MADCAM1: variants seen among roughly 807,000 people sequenced by gnomAD.
The protein encoded by MADCAM1 is mucosal vascular addressin cell adhesion molecule 1, also known as mucosal addressin cell adhesion molecule 1.
A neutral mutation model predicts 26.1 loss-of-function variants in MADCAM1; 19 were observed. The ratio of observed to expected loss-of-function variants is 0.73; its 90% confidence interval spans 0.51 to 1.07. MADCAM1 has a LOEUF of 1.07. MADCAM1 is among the 50% of genes least tolerant of loss of function. The probability of loss-of-function intolerance (pLI) is 0.00; values close to 1 mark genes in which losing one functional copy is unlikely to be tolerated. For missense variants in MADCAM1, 514 were observed against 542.1 expected (o/e 0.95, Z 0.51); for synonymous variants, 268 against 260.9 (o/e 1.03, Z -0.26).
rs775251362 is a variant in MADCAM1, at chr19:501,891, A to C, written c.890A>C (p.Gln297Pro). 6.6e-5 allele frequency: 94 copies of C among 1,430,474 alleles called. No individual in the cohort carries two copies. The South Asian group carries it at 1.1e-3, about 17-fold the overall frequency. 88.6% of individuals were successfully genotyped at this position (1,430,474 alleles called of 1,614,324 possible). ...STRTRRPEIS[Q>P]AGPTQGEVIP... The stretch of plus-strand genomic sequence containing the variant: ...AGGACTCGCCGCCCTGAGATCTCCC[A>C]GGCTGGGCCCACGCAGGGAGAAGTG... The change falls in exon 4 of 5, where the codon CAG (glutamine) becomes CCG (proline). Residue 297 changes from glutamine (Q) to proline (P), a missense_variant. This residue lies in a region of MADCAM1 where 152 missense variants were observed against 136.7 expected (regional missense o/e 1.11). Coordinates refer to ENST00000215637, the MANE Select transcript of MADCAM1 (RefSeq NM_130760.3).
In MADCAM1 at chr19:496,526, G is replaced by A; in HGVS notation, c.27G>A (p.Leu9=). 1 of 1,308,536 alleles carries A rather than the reference G, an allele frequency of 7.6e-7. No homozygotes were observed. Among genetic ancestry groups the A allele is most frequent in the African/African-American group, 1.5e-5 (1 of 65,152 alleles). The allele number at this position is 1,308,536 out of a possible 1,614,324, so 81.1% of individuals were successfully genotyped here. ...TGGATTTCGGACTGGCCCTCCTGCTGGCGGGGCTTCTGGGGCTCCTCCTCG... is the reference window on the plus strand; with the variant it reads ...TGGATTTCGGACTGGCCCTCCTGCTAGCGGGGCTTCTGGGGCTCCTCCTCG... MDFGLALL[L]AGLLGLLLGQ... The change falls in exon 1 of 5, where the codon CTG becomes CTA. Residue 9 remains leucine, a synonymous_variant. Coordinates refer to ENST00000215637, the MANE Select transcript of MADCAM1 (RefSeq NM_130760.3).
intron 1 of MADCAM1, among the ~76,000 whole-genome samples, chr19:497,262 T>C (rs867009887): frequency 6.4e-5 from 1 of 15,520 alleles, no homozygotes; most frequent in African/African-American, 3.1e-4. Flanking sequence ...GGAGGGGGTT[T>C]GGAAGAGAAG....
chr19:497,374 C>T (rs1214716830), intron 1 of MADCAM1, among the ~76,000 whole-genome samples: 1 of 51,950 alleles, frequency 1.9e-5, no homozygotes, highest in African/African-American at 8.3e-5. Flanking sequence ...GGAAGGGGCG[C>T]GGTGAGCGGG....
At chr19:498,250 C>A (rs910699689) in intron 2 of MADCAM1, 133 bp downstream of exon 2, 4 of 1,000,128 alleles carry the variant, frequency 4.0e-6, no homozygotes, top group African/African-American at 3.4e-5. Flanking sequence ...GAAGCCAGGT[C>A]CCCGGCCTTC....
intron 3 of MADCAM1, 99 bp downstream of exon 3, chr19:498,924 G>C (rs1055804707): frequency 5.9e-6 from 8 of 1,366,482 alleles, no homozygotes; most frequent in Non-Finnish European, 7.8e-6. Flanking sequence ...CTGTGCTGTG[G>C]GGCGCTGGGA....
intron 3 of MADCAM1, chr19:500,131 C>A: frequency 2.2e-6 from 1 of 456,314 alleles, no homozygotes; most frequent in African/African-American, 2.0e-5. Flanking sequence ...CCCCCAAGCA[C>A]CTTCTCTCTC....
rs554217450 is a variant in MADCAM1, at chr19:505,288, G to C, written c.*323G>C. The C allele has an allele frequency of 1.1e-5, 3 of 284,354 alleles. No homozygotes were observed. The South Asian group carries it at 3.8e-4, about 36-fold the overall frequency. 17.6% of individuals were successfully genotyped at this position (284,354 alleles called of 1,614,324 possible). On this transcript the variant is annotated 3_prime_UTR_variant, in exon 5 of 5. Coordinates refer to ENST00000215637, the MANE Select transcript of MADCAM1 (RefSeq NM_130760.3). ...ACCAAGCTGTGCCCTGACCACCCTG[G>C]GCCCCTGTCGTCAGGACCTCCTGAG... is the stretch of plus-strand genomic sequence containing the variant.
chr19:498,912 A>T, intron 3 of MADCAM1, 87 bp downstream of exon 3: 2 of 1,312,590 alleles, frequency 1.5e-6, no homozygotes, highest in South Asian at 1.3e-5. Context: ...GGGGGGCAGC[A>T]CCTGTGCTGT....
At chr19:501,020 T>C (rs1978320263) in intron 3 of MADCAM1, among the ~76,000 whole-genome samples, 1 of 151,414 alleles carries the variant, frequency 6.6e-6, no homozygotes, top group Non-Finnish European at 1.5e-5. Context: ...ACCTCCCATC[T>C]CTACAAAAAA....
At chr19:504,484 T>C (rs192503404) in intron 4 of MADCAM1, among the ~76,000 whole-genome samples, 1 of 152,212 alleles carries the variant, frequency 6.6e-6, no homozygotes, top group Non-Finnish European at 1.5e-5. Flanking sequence ...GGTCTCGAAC[T>C]CCTGACCTCG....
In MADCAM1 at chr19:501,941, T is replaced by C; in HGVS notation, c.928+12T>C. Reference sequence around the variant, plus strand: ...GATCCCAACAGGCTGTGAGTTCTGGTCCCTGGGGGCAGGGAGGGTGGGAAG... The same window carrying C: ...GATCCCAACAGGCTGTGAGTTCTGGCCCCTGGGGGCAGGGAGGGTGGGAAG... On this transcript the variant is annotated intron_variant, in intron 4 of 4. Transcript: ENST00000215637. 3 of 659,034 alleles carry C rather than the reference T, an allele frequency of 4.6e-6. No individual in the cohort carries two copies. The highest frequency in any genetic ancestry group is 1.8e-5 in the South Asian group (1 of 55,848). 40.8% of individuals were successfully genotyped at this position (659,034 alleles called of 1,614,324 possible).
intron 4 of MADCAM1, among the ~76,000 whole-genome samples, chr19:503,196 G>A (rs1002211216): frequency 6.6e-6 from 1 of 152,138 alleles, no homozygotes; most frequent in African/African-American, 2.4e-5. Context: ...TAAAAGTAAA[G>A]GCAAGGCATG....
At chr19:501,476 ACT>A (rs1252815820) in intron 3 of MADCAM1, 191 bp from the exon 4 acceptor site, 1 of 473,604 alleles carries the variant, frequency 2.1e-6, no homozygotes, top group African/African-American at 2.5e-5. Context: ...CAAGAGCAAA[ACT>A]CTGTCTCAAA....
intron 3 of MADCAM1, 98 bp from the exon 4 acceptor site, chr19:501,571 G>T (rs1297924615): frequency 2.2e-6 from 3 of 1,344,880 alleles, no homozygotes; most frequent in African/African-American, 1.5e-5. Context: ...GCTTGGAGGG[G>T]TTCTGGTCCA....
At chr19:499,822 C>T (rs57175451) in intron 3 of MADCAM1, 22,907 of 456,274 alleles carry the variant, frequency 0.05, 1,167 homozygotes, top group African/African-American at 0.17. Flanking sequence ...GCTCCCTTCA[C>T]GCTCTGTCCA....
At chr19:503,491 G>C (rs1210931820) in intron 4 of MADCAM1, among the ~76,000 whole-genome samples, 3 of 148,548 alleles carry the variant, frequency 2.0e-5, no homozygotes, top group Admixed American at 6.8e-5. Context: ...TGAGGCAGGA[G>C]AATGGCGTGA....
chr19:499,239 G>A (rs1251710793), intron 3 of MADCAM1: 2 of 471,804 alleles, frequency 4.2e-6, no homozygotes, highest in African/African-American at 2.0e-5. Flanking sequence ...GCCTTTGCAC[G>A]GCTGTGCCCT....
chr19:503,242 G>A (rs1042203748), intron 4 of MADCAM1, among the ~76,000 whole-genome samples: 154 of 149,484 alleles, frequency 1.0e-3, no homozygotes, highest in Non-Finnish European at 1.5e-3. Context: ...AGCCGAGATC[G>A]CGCCACTGCA....
intron 1 of MADCAM1, 143 bp from the exon 2 acceptor site, chr19:497,690 G>C: frequency 1.6e-6 from 1 of 614,424 alleles, no homozygotes; most frequent in East Asian, 3.7e-5. Context: ...GGTAGCGGCG[G>C]GGCAGGGGTC....
Sources: gnomAD v4.1 joint callset for allele counts (sites outside exome capture counted in the v4.1 genomes callset) on GRCh38, gnomAD v4.1.1 for gene constraint, gnomAD v4.1.1 regional missense constraint, MANE v1.5 for transcripts, NCBI Gene and HGNC (gene_info 2026-07-23, HGNC 2026-07-21) for gene names.